Variants in CELF2 observed in about 807,000 individuals in gnomAD.
CELF2 encodes the protein CUG triplet repeat RNA-binding protein 2.
Under a neutral mutation model 62.6 loss-of-function variants are expected in CELF2, and 8 were observed. The ratio of observed to expected loss-of-function variants is 0.13; its 90% CI spans 0.07 to 0.23. The LOEUF is 0.23. CELF2 is among the 10% of genes least tolerant of loss of function. The pLI is 1.00. For synonymous variants in CELF2, 258 were observed against 250.0 expected (o/e 1.03, Z -0.30); for missense variants, 333 against 671.0 (o/e 0.50, Z 5.56).
chr10:10,731,324 T>C, the CELF2 span, among the ~76,000 whole-genome samples: 1 of 152,034 alleles, frequency 6.6e-6, no homozygotes, highest in Admixed American at 6.6e-5. Flanking sequence ...TAGAAAAACA[T>C]GGCTTGCTGT....
chr10:10,696,259 G>T, the CELF2 span, among the ~76,000 whole-genome samples: 1 of 151,914 alleles, frequency 6.6e-6, no homozygotes, highest in Non-Finnish European at 1.5e-5. Context: ...GGAGTACCCT[G>T]CCGTGTGAGG....
chr10:11,083,275 C>T (rs574937781), intron 1 of CELF2, among the ~76,000 whole-genome samples: 1 of 152,308 alleles, frequency 6.6e-6, no homozygotes, highest in Non-Finnish European at 1.5e-5. Flanking sequence ...TGATTGGGGA[C>T]TGTGCCAACT....
chr10:11,219,264 A>G (rs531799981), intron 3 of CELF2, among the ~76,000 whole-genome samples: 1 of 152,262 alleles, frequency 6.6e-6, no homozygotes, highest in Non-Finnish European at 1.5e-5. Flanking sequence ...TGAATGGGGC[A>G]TGTTGAAATG....
chr10:10,603,509 T>C, the CELF2 span, among the ~76,000 whole-genome samples: 2 of 152,194 alleles, frequency 1.3e-5, no homozygotes, highest in African/African-American at 4.8e-5. Flanking sequence ...ATCTAAACTC[T>C]TCTTATTTTA....
the CELF2 span, among the ~76,000 whole-genome samples, chr10:10,538,529 A>G: frequency 6.6e-6 from 1 of 152,130 alleles, no homozygotes; most frequent in Non-Finnish European, 1.5e-5. Context: ...CCTGGCTTTA[A>G]GCCATTATCT....
intron 3 of CELF2, among the ~76,000 whole-genome samples, chr10:11,228,075 C>A (rs2067232918): frequency 6.6e-6 from 1 of 152,140 alleles, no homozygotes; most frequent in South Asian, 2.1e-4. Context: ...GAATTGCTGT[C>A]ATTCTATATA....
intron 2 of CELF2, among the ~76,000 whole-genome samples, chr10:11,166,840 C>T (rs577116886): frequency 2.0e-5 from 3 of 152,240 alleles, no homozygotes; most frequent in African/African-American, 4.8e-5. Context: ...GACTGACATT[C>T]TGTGACTCCG....
In CELF2 at chr10:11,270,155, T is replaced by C. The variant is rs923862566; in HGVS notation, c.619-511T>C. ...TATGATTGCTGGGCCGATAGGATTG[T>C]CACAATCCCAAAGTTCACAGATACA... is the stretch of plus-strand genomic sequence containing the variant. On this transcript the variant is annotated intron_variant, in intron 6 of 12. Transcript: ENST00000633077. This position sits in a 1 kb window ranked among gnomAD's most constrained non-coding sequence, Gnocchi z 5.8. Among the ~76,000 whole-genome samples the C allele has an allele frequency of 1.3e-5, 2 of 152,150 alleles. No homozygotes were observed. The highest frequency in any genetic ancestry group is 1.5e-5 in the Non-Finnish European group (1 of 68,004).
At chr10:11,106,788 T>C (rs2053610990) in intron 1 of CELF2, among the ~76,000 whole-genome samples, 1 of 152,214 alleles carries the variant, frequency 6.6e-6, no homozygotes, top group Non-Finnish European at 1.5e-5. Flanking sequence ...GGCATTGCAG[T>C]TGTGGTTCTG....
intron 1 of CELF2, among the ~76,000 whole-genome samples, chr10:11,143,967 G>A (rs2132358452): frequency 6.6e-6 from 1 of 152,330 alleles, no homozygotes. Context: ...CAGCACTGCT[G>A]TGTATCAGTG....
chr10:10,716,990 C>T, the CELF2 span, among the ~76,000 whole-genome samples: 16 of 152,176 alleles, frequency 1.1e-4, no homozygotes, highest in South Asian at 2.7e-3. Flanking sequence ...ATAAAGCATG[C>T]GGGCACGTGA....
At chr10:10,643,053 TA>T in the CELF2 span, among the ~76,000 whole-genome samples, 3 of 152,260 alleles carry the variant, frequency 2.0e-5, no homozygotes, top group Non-Finnish European at 4.4e-5. Flanking sequence ...TGTTGAAATG[TA>T]AAATATTTTT....
Position 10,938,195 on chromosome 10 carries a change from T to C in CELF2, c.89+18196T>C, listed in dbSNP as rs2046634060. 6.6e-6 allele frequency among the ~76,000 whole-genome samples: 1 copy of C among 152,220 alleles called. No individual in the cohort carries two copies. The highest frequency in any genetic ancestry group is 1.5e-5 in the Non-Finnish European group (1 of 68,028). ...GCTGTTCTTTGTTTTCTAATGGGCA[T>C]GTGATGTTGATGAAAAATAGCATTC... On this transcript the variant is annotated intron_variant, in intron 2 of 13. Transcript: ENST00000636488. This position sits in a 1 kb window ranked among gnomAD's most constrained non-coding sequence, Gnocchi z 4.2.
chr10:11,097,361 C>T (rs1252383859), intron 1 of CELF2: 1 of 152,132 alleles, frequency 6.6e-6, no homozygotes, highest in Non-Finnish European at 1.5e-5. Flanking sequence ...AGCACTTTGT[C>T]CAGTCTTCTT....
At chr10:10,796,633 C>T (rs912083), upstream of CELF2, among the ~76,000 whole-genome samples, 16,668 of 152,172 alleles carry the variant, frequency 0.11, 1,123 homozygotes, top group East Asian at 0.19. Flanking sequence ...ATTATAGTTG[C>T]GGACACTATT....
chr10:11,018,089 C>CATGACTT lies in CELF2; in HGVS notation c.1_7dup (p.Ser3TyrfsTer23). 1 of 1,481,900 alleles carries CATGACTT rather than the reference C, an allele frequency of 6.7e-7. No individual in the cohort carries two copies. 91.8% of individuals were successfully genotyped at this position (1,481,900 alleles called of 1,614,324 possible). A position where few individuals can be genotyped will look rare whatever the true frequency, so the allele number is the denominator to read the frequency against. ...CGCTGCCGCCGCGTGCGCCCGCGAACATGACTTCTGCCTTCAAGCTGGATT... is the reference window on the plus strand; with the variant it reads ...CGCTGCCGCCGCGTGCGCCCGCGAACATGACTTATGACTTCTGCCTTCAAGCTGGATT... On this transcript the variant is annotated 5_prime_UTR_variant, in exon 1 of 13. The change creates a new upstream start codon in the 5' untranslated region. Coordinates refer to ENST00000633077, the MANE Select transcript of CELF2 (RefSeq NM_001326342.2).
At chr10:11,043,720 C>G (rs1398184393) in intron 1 of CELF2, among the ~76,000 whole-genome samples, 1 of 152,184 alleles carries the variant, frequency 6.6e-6, no homozygotes, top group African/African-American at 2.4e-5. Flanking sequence ...CACCTGCAGT[C>G]GCTCCTGCTG....
chr10:10,594,636 G>A, the CELF2 span, among the ~76,000 whole-genome samples: 8 of 152,162 alleles, frequency 5.3e-5, no homozygotes, highest in East Asian at 1.9e-4. Flanking sequence ...AGAATCAAAG[G>A]TCATCAGGTA....
intron 2 of CELF2, among the ~76,000 whole-genome samples, chr10:10,998,918 G>A (rs2054242137): frequency 6.6e-6 from 1 of 152,074 alleles, no homozygotes; most frequent in African/African-American, 2.4e-5. Flanking sequence ...CCTGCCTGCA[G>A]TTTATGAACT....
Sources: allele counts gnomAD v4.1 joint callset (sites outside exome capture counted in the v4.1 genomes callset), GRCh38; gene constraint gnomAD v4.1.1; non-coding constraint Gnocchi (gnomAD v3.1); transcripts MANE v1.5; gene names NCBI Gene and HGNC (gene_info 2026-07-23, HGNC 2026-07-21).